Variants in RORB observed in about 807,000 individuals in gnomAD.
RORB encodes the protein nuclear receptor ROR-beta.
Under a neutral mutation model 59.1 loss-of-function variants are expected in RORB, and 6 were observed. The ratio of observed to expected loss-of-function variants is 0.10; its 90% confidence interval spans 0.06 to 0.20. The LOEUF is 0.20. Ranked by LOEUF, RORB falls within the 10% of genes least tolerant of loss-of-function variation. The probability of loss-of-function intolerance (pLI) is 1.00; values close to 1 mark genes in which losing one functional copy is unlikely to be tolerated. For synonymous variants in RORB, 215 were observed against 204.5 expected, an observed-to-expected ratio of 1.05 and a Z score of -0.44; for missense variants, 320 against 560.5, an observed-to-expected ratio of 0.57 and a Z score of 4.33.
At chr9:74,605,758 G>C (rs1563950658) in intron 1 of RORB, among the ~76,000 whole-genome samples, 1 of 152,160 alleles carries the variant, frequency 6.6e-6, no homozygotes, top group Non-Finnish European at 1.5e-5. Flanking sequence ...ACGTGATTTA[G>C]AGAATGGGCT....
intron 1 of RORB, among the ~76,000 whole-genome samples, chr9:74,541,541 A>G (rs1437022511): frequency 6.6e-6 from 1 of 152,120 alleles, no homozygotes; most frequent in Non-Finnish European, 1.5e-5. Context: ...AACTGACTCT[A>G]TTTAACCTGT....
chr9:74,662,454 CTG>C lies in RORB; in HGVS notation c.760-16_760-15del. 1 of 1,613,156 alleles carries C rather than the reference CTG, an allele frequency of 6.2e-7. No homozygotes were observed. On this transcript the variant is annotated intron_variant, in intron 5 of 9. Coordinates refer to ENST00000376896, the MANE Select transcript of RORB (RefSeq NM_006914.4). Reference sequence around the variant, plus strand: ...GTAAGTCGTTTGCCCTATTTACATTCTGTGTCTTCTCTCCTCAAGTCCAGGGA... The same window carrying C: ...GTAAGTCGTTTGCCCTATTTACATTCTGTCTTCTCTCCTCAAGTCCAGGGA...
chr9:74,636,847 C>T (rs1823712086), intron 3 of RORB, among the ~76,000 whole-genome samples: 1 of 152,136 alleles, frequency 6.6e-6, no homozygotes. Flanking sequence ...AAAAAGCTGC[C>T]TCTTCACTAT....
chr9:74,623,139 T>C (rs915987875), intron 1 of RORB, among the ~76,000 whole-genome samples: 5 of 152,218 alleles, frequency 3.3e-5, no homozygotes, highest in Non-Finnish European at 7.3e-5. Flanking sequence ...AGAAGTACCA[T>C]TCAATTTTTA....
intron 1 of RORB, among the ~76,000 whole-genome samples, chr9:74,578,770 A>G (rs2118250992): frequency 6.6e-6 from 1 of 152,242 alleles, no homozygotes; most frequent in Non-Finnish European, 1.5e-5. Context: ...CTGTTTCTAT[A>G]TGAAGTATAT....
intron 1 of RORB, among the ~76,000 whole-genome samples, chr9:74,552,553 C>A (rs1464814965): frequency 6.6e-6 from 1 of 152,032 alleles, no homozygotes; most frequent in Non-Finnish European, 1.5e-5. Flanking sequence ...ATGTAATATG[C>A]ACAACATAAG....
intron 8 of RORB, among the ~76,000 whole-genome samples, chr9:74,671,342 A>AT (rs1824343339): frequency 6.6e-6 from 1 of 152,234 alleles, no homozygotes; most frequent in Non-Finnish European, 1.5e-5. Flanking sequence ...AAATTCTAAC[A>AT]TAGCTTCAGC....
Position 74,662,488 on chromosome 9 carries a change from G to A in RORB, c.774G>A (p.Leu258=). The change falls in exon 6 of 10, where the codon CTG becomes CTA. Residue 258 remains leucine, a synonymous_variant. Coordinates refer to ENST00000376896, the MANE Select transcript of RORB (RefSeq NM_006914.4). ...KAYQSKSREA[L]WQQCAIQITH... ...CTCTCCTCAAGTCCAGGGAAGCACT[G>A]TGGCAACAATGTGCCATCCAGATCA... is the stretch of plus-strand genomic sequence containing the variant. 2 of 1,614,064 alleles carry A rather than the reference G, an allele frequency of 1.2e-6. No homozygotes were observed. The highest frequency in any genetic ancestry group is 1.7e-6 in the Non-Finnish European group (2 of 1,179,968).
At position 74,582,238 on chromosome 9, in the gene RORB, A is replaced by T. The variant is rs544095883; in HGVS notation, c.8-48044A>T. Among the ~76,000 whole-genome samples the T allele has an allele frequency of 5.3e-5, 8 of 152,334 alleles. No individual in the cohort carries two copies. The South Asian group carries it at 1.2e-3, about 24-fold the overall frequency. ...TTAGGCCATGATATTAATAAGACCA[A>T]GATTTAGGATTGAAATTATGAGCCA... On this transcript the variant is annotated intron_variant, in intron 1 of 9. Coordinates refer to ENST00000376896, the MANE Select transcript of RORB (RefSeq NM_006914.4).
In RORB at chr9:74,685,732, C is replaced by T. The variant is rs147888743; in HGVS notation, c.*114C>T. On this transcript the variant is annotated 3_prime_UTR_variant, in exon 10 of 10. Coordinates refer to ENST00000376896, the MANE Select transcript of RORB (RefSeq NM_006914.4). Reference sequence around the variant, plus strand: ...CTACTGCAACATTAGGAATGTCCTGCACTTAATAGAATTATTTTTCACCGC... The same window carrying T: ...CTACTGCAACATTAGGAATGTCCTGTACTTAATAGAATTATTTTTCACCGC... 406 of 696,730 alleles carry T rather than the reference C, an allele frequency of 5.8e-4. 4 individuals carry two copies. In the East Asian group the frequency reaches 0.011, roughly 18 times the overall value. 43.2% of individuals were successfully genotyped at this position (696,730 alleles called of 1,614,324 possible). A position where few individuals can be genotyped will look rare whatever the true frequency, so the allele number is the denominator to read the frequency against.
At chr9:74,553,151 G>C (rs553784340) in intron 1 of RORB, among the ~76,000 whole-genome samples, 1 of 152,092 alleles carries the variant, frequency 6.6e-6, no homozygotes, top group Admixed American at 6.6e-5. Context: ...AGAGGGGCAC[G>C]GAGCAGAAGT....
rs1308963406 is a variant in RORB at position 74,642,520 on chromosome 9, G to A, written c.342G>A (p.Glu114=). ...LQEQRQQQSG[E]AEALARVYSS... Reference sequence around the variant, plus strand: ...AACAGCGGCAGCAGCAGAGTGGGGAGGCAGAAGCCCTTGCCAGGGTGTACA... The same window carrying A: ...AACAGCGGCAGCAGCAGAGTGGGGAAGCAGAAGCCCTTGCCAGGGTGTACA... The change falls in exon 4 of 10, where the codon GAG becomes GAA. Residue 114 remains glutamate (E), a synonymous_variant. Transcript: ENST00000376896. The A allele has an allele frequency of 1.2e-6, 2 of 1,614,204 alleles. No individual in the cohort carries two copies. The highest frequency in any genetic ancestry group is 1.7e-6 in the Non-Finnish European group (2 of 1,180,038).
chr9:74,675,183 A>G (rs900056612), intron 9 of RORB, among the ~76,000 whole-genome samples: 1 of 152,112 alleles, frequency 6.6e-6, no homozygotes, highest in Non-Finnish European at 1.5e-5. Flanking sequence ...GGGCAATGGC[A>G]TGGAGGTAGG....
chr9:74,589,074 A>G (rs1822850308), intron 1 of RORB, among the ~76,000 whole-genome samples: 1 of 152,222 alleles, frequency 6.6e-6, no homozygotes, highest in African/African-American at 2.4e-5. Flanking sequence ...GGGAGGACTT[A>G]TTGGATGTCC....
chr9:74,655,270 G>A (rs1390545348), intron 4 of RORB, among the ~76,000 whole-genome samples: 1 of 152,210 alleles, frequency 6.6e-6, no homozygotes. Context: ...CTCAGGAAGA[G>A]CAGAGTGTAG....
intron 1 of RORB, among the ~76,000 whole-genome samples, chr9:74,508,511 C>G (rs1825896718): frequency 6.6e-6 from 1 of 151,876 alleles, no homozygotes; most frequent in East Asian, 1.9e-4. Context: ...GAGTAAAAGC[C>G]ATACTTTTTG....
intron 1 of RORB, among the ~76,000 whole-genome samples, chr9:74,545,337 G>A (rs942705916): frequency 3.9e-5 from 6 of 152,000 alleles, no homozygotes; most frequent in East Asian, 1.9e-4. Context: ...GTAAGATTGC[G>A]GTGCCTTTTT....
intron 1 of RORB, among the ~76,000 whole-genome samples, chr9:74,591,958 C>CAGAGAG (rs374600755): frequency 6.7e-6 from 1 of 148,790 alleles, no homozygotes; most frequent in Non-Finnish European, 1.5e-5. Context: ...GAGAGAGAGA[C>CAGAGAG]AGAGAGAGAG....
At chr9:74,515,424 A>T (rs1039747658) in intron 1 of RORB, among the ~76,000 whole-genome samples, 13 of 151,924 alleles carry the variant, frequency 8.6e-5, no homozygotes, top group African/African-American at 2.9e-4. Context: ...GAATATTATT[A>T]TACCCATTGT....
Sources: allele counts gnomAD v4.1 joint callset (sites outside exome capture counted in the v4.1 genomes callset), GRCh38; gene constraint gnomAD v4.1.1; transcripts MANE v1.5; gene names NCBI Gene and HGNC (gene_info 2026-07-23, HGNC 2026-07-21).